The following UTRN variants were observed in gnomAD, a reference collection of about 807,000 sequenced individuals.
UTRN encodes the protein utrophin, also known as dystrophin-related protein 1.
UTRN carries 283 observed loss-of-function variants against 463.9 expected under a neutral mutation model. That is an observed-to-expected ratio of 0.61 (90% CI 0.55 to 0.67). The LOEUF (loss-of-function observed/expected upper bound fraction) is 0.67, where lower values mean the gene tolerates loss of function less well. Among genes scored for constraint, UTRN ranks in the 30% least tolerant of loss-of-function variants. UTRN has a pLI of 0.00. For missense variants in UTRN, 3,922 were observed against 4,084.3 expected (o/e 0.96, Z 1.08); for synonymous variants, 1,442 against 1,431.5 (o/e 1.01, Z -0.17).
At chr6:144,563,009 G>A (rs1585292283) in intron 50 of UTRN, among the ~76,000 whole-genome samples, 2 of 152,254 alleles carry the variant, frequency 1.3e-5, no homozygotes, top group African/African-American at 4.8e-5. Flanking sequence ...CTTTTGAGAA[G>A]TGTCTGTTCA....
chr6:144,305,036 A>G (rs749674255), intron 2 of UTRN, among the ~76,000 whole-genome samples: 2 of 152,108 alleles, frequency 1.3e-5, no homozygotes, highest in South Asian at 2.1e-4. Context: ...GGTTCAAACA[A>G]TTCTTGTGCC....
intron 10 of UTRN, among the ~76,000 whole-genome samples, chr6:144,436,860 TAA>T (rs1188825417): frequency 7.0e-6 from 1 of 142,978 alleles, no homozygotes; most frequent in East Asian, 2.0e-4. Flanking sequence ...AATATATAAA[TAA>T]ATATATATAA....
intron 2 of UTRN, among the ~76,000 whole-genome samples, chr6:144,399,981 A>C (rs147266018): frequency 6.6e-6 from 1 of 152,312 alleles, no homozygotes; most frequent in African/African-American, 2.4e-5. Flanking sequence ...CAAAATATTT[A>C]GAGGAAGAAT....
At chr6:144,551,142 C>G in intron 48 of UTRN, 60 bp downstream of exon 48, 1 of 698,488 alleles carries the variant, frequency 1.4e-6, no homozygotes, top group Non-Finnish European at 2.2e-6. Flanking sequence ...TGGTGACACA[C>G]ACACACACAC....
At chr6:144,734,380 T>G (rs955947233) in intron 54 of UTRN, among the ~76,000 whole-genome samples, 1 of 152,192 alleles carries the variant, frequency 6.6e-6, no homozygotes, top group Admixed American at 6.5e-5. Flanking sequence ...TTATTGATTT[T>G]TAAGATGAAA....
At chr6:144,403,754 G>A (rs1007818063) in intron 3 of UTRN, among the ~76,000 whole-genome samples, 1 of 152,034 alleles carries the variant, frequency 6.6e-6, no homozygotes, top group African/African-American at 2.4e-5. Context: ...TTTTCATAGG[G>A]GCAGAGCATG....
chr6:144,500,618 A>G (rs373068569), intron 34 of UTRN, among the ~76,000 whole-genome samples: 1 of 152,358 alleles, frequency 6.6e-6, no homozygotes, highest in East Asian at 1.9e-4. Flanking sequence ...GAGTGTTTAC[A>G]AAGAATTGTG....
rs192145373 is a variant in UTRN at position 144,705,101 on chromosome 6, A to G, written c.7809+4858A>G. Among the ~76,000 whole-genome samples the G allele has an allele frequency of 1.9e-3, 293 of 152,286 alleles. 2 individuals carry two copies. The highest frequency in any genetic ancestry group is 2.5e-3 in the Non-Finnish European group (172 of 68,020). On this transcript the variant is annotated intron_variant, in intron 53 of 74. Coordinates refer to ENST00000367545, the MANE Select transcript of UTRN (RefSeq NM_007124.3). ...GTGAGACACAAGATCTGTAATGTAG[A>G]TAATCTACTGTGAATTGTGTGTGGC...
At chr6:144,627,382 AC>A (rs1776056021) in intron 51 of UTRN, among the ~76,000 whole-genome samples, 1 of 152,012 alleles carries the variant, frequency 6.6e-6, no homozygotes, top group South Asian at 2.1e-4. Flanking sequence ...AATATTGATA[AC>A]CCTTATCTTT....
At chr6:144,389,992 A>G (rs958767420) in intron 2 of UTRN, among the ~76,000 whole-genome samples, 1 of 152,238 alleles carries the variant, frequency 6.6e-6, no homozygotes, top group African/African-American at 2.4e-5. Context: ...ATAGTTTGAC[A>G]GGAGGAATAA....
chr6:144,645,682 T>A (rs1008287388), intron 51 of UTRN, among the ~76,000 whole-genome samples: 1 of 152,088 alleles, frequency 6.6e-6, no homozygotes, highest in African/African-American at 2.4e-5. Context: ...GATCAAGAAG[T>A]CTGTGTTGTA....
At chr6:144,412,711 T>C (rs942760407) in intron 3 of UTRN, among the ~76,000 whole-genome samples, 4 of 144,360 alleles carry the variant, frequency 2.8e-5, no homozygotes, top group African/African-American at 1.1e-4. Flanking sequence ...GTATATACAC[T>C]ATATATGTTT....
rs190662815 is a variant in UTRN at position 144,764,005 on chromosome 6, A to G, written c.8495+6016A>G. Among the ~76,000 whole-genome samples, 138 of 152,272 alleles carry G rather than the reference A, an allele frequency of 9.1e-4. 2 individuals are homozygous for G. Among genetic ancestry groups the G allele is most frequent in the Admixed American group, 8.9e-3 (136 of 15,296 alleles). ...ACTGGAGCTTGTGGTTTTGGTTTTA[A>G]TGATAAAGAAGTAAATGAAATAGAA... On this transcript the variant is annotated intron_variant, in intron 58 of 74. Coordinates refer to ENST00000367545, the MANE Select transcript of UTRN (RefSeq NM_007124.3).
Position 144,655,748 on chromosome 6 carries a change from C to T in UTRN, c.7480-22658C>T, listed in dbSNP as rs542578899. Reference sequence around the variant, plus strand: ...AAAATTGTCTTTAGTGGGAAGGGTGCCTTAAGATCCACTATAGGAGTAAGA... The same window carrying T: ...AAAATTGTCTTTAGTGGGAAGGGTGTCTTAAGATCCACTATAGGAGTAAGA... On this transcript the variant is annotated intron_variant, in intron 51 of 74. Transcript: ENST00000367545. Among the ~76,000 whole-genome samples, 24 of 152,254 alleles carry T rather than the reference C, an allele frequency of 1.6e-4. No homozygotes were observed. In the South Asian group the frequency reaches 5.0e-3, roughly 32 times the overall value.
At chr6:144,840,304 CT>C (rs1781454208) in intron 72 of UTRN, among the ~76,000 whole-genome samples, 2 of 152,012 alleles carry the variant, frequency 1.3e-5, no homozygotes, top group South Asian at 4.1e-4. Context: ...AATAAGATGC[CT>C]TTACTTTTGT....
At chr6:144,346,875 C>CATCT (rs5880591) in intron 2 of UTRN, among the ~76,000 whole-genome samples, 19,740 of 151,134 alleles carry the variant, frequency 0.13, 1,633 homozygotes, top group African/African-American at 0.24. Flanking sequence ...ATCTATGTAT[C>CATCT]ATCTATCTAT....
intron 47 of UTRN, among the ~76,000 whole-genome samples, chr6:144,550,316 T>TG (rs1798789466): frequency 6.6e-6 from 1 of 152,208 alleles, no homozygotes; most frequent in African/African-American, 2.4e-5. Flanking sequence ...GAGGAAGGAC[T>TG]GGGAAAAAGT....
chr6:144,848,383 T>C (rs183272057), intron 74 of UTRN, among the ~76,000 whole-genome samples: 3 of 152,126 alleles, frequency 2.0e-5, no homozygotes, highest in East Asian at 3.9e-4. Context: ...AAAGTTGAAG[T>C]TGGGGTTTGA....
rs1006242399 is a variant in UTRN, at chr6:144,852,702, C to A, written c.*1705C>A. 1 of 152,526 alleles carries A rather than the reference C, an allele frequency of 6.6e-6. No individual in the cohort carries two copies. The highest frequency in any genetic ancestry group is 2.4e-5 in the African/African-American group (1 of 41,424). The allele number at this position is 152,526 out of a possible 1,614,324, so 9.4% of individuals were successfully genotyped here. A position where few individuals can be genotyped will look rare whatever the true frequency, so the allele number is the denominator to read the frequency against. On this transcript the variant is annotated 3_prime_UTR_variant, in exon 75 of 75. Transcript: ENST00000367545. ...GGCCATGTCATACCCAAGAAAGCAC[C>A]TATTTAAAGAAAAAACAATTCCCTG...
Sources: allele counts gnomAD v4.1 joint callset (sites outside exome capture counted in the v4.1 genomes callset), GRCh38; gene constraint gnomAD v4.1.1; transcripts MANE v1.5; gene names NCBI Gene and HGNC (gene_info 2026-07-23, HGNC 2026-07-21).